The following ADARB2 variants were observed in gnomAD, a reference collection of about 807,000 sequenced individuals.
ADARB2 encodes inactive double-stranded RNA-specific editase B2.
A neutral mutation model predicts 62.2 loss-of-function variants in ADARB2; 25 were observed. That is an observed-to-expected ratio of 0.40 (90% confidence interval 0.29 to 0.56). ADARB2 has a LOEUF of 0.56. Among genes scored for constraint, ADARB2 ranks in the 20% least tolerant of loss-of-function variants. The pLI is 0.43. For synonymous variants in ADARB2, 572 were observed against 500.8 expected (o/e 1.14, Z -1.90); for missense variants, 1,071 against 1,077.4 (o/e 0.99, Z 0.08).
rs370285303 is a variant in ADARB2 at position 1,188,402 on chromosome 10, G to A, written c.1865-3363C>T. Among the ~76,000 whole-genome samples the A allele has an allele frequency of 2.0e-5, 3 of 152,276 alleles. No homozygotes were observed. The South Asian group carries it at 6.2e-4, about 32-fold the overall frequency. On this transcript the variant is annotated intron_variant, in intron 8 of 9. Transcript: ENST00000381312. ...ATTGTGTCCAGGGAACGGAGGAACC[G>A]ACCAACAAGCAAAGGTCAGTTCCTT...
intron 8 of ADARB2, among the ~76,000 whole-genome samples, chr10:1,195,412 T>C (rs2131739461): frequency 6.6e-6 from 1 of 151,514 alleles, no homozygotes; most frequent in Non-Finnish European, 1.5e-5. Context: ...TTTTTTTTTT[T>C]TTAAGATAAG....
chr10:1,548,587 G>A lies in ADARB2; in HGVS notation c.101-169427C>T, dbSNP rs114387437. Among the ~76,000 whole-genome samples, 661 of 152,348 alleles carry A rather than the reference G, an allele frequency of 4.3e-3. 6 individuals are homozygous for A. Among genetic ancestry groups the A allele is most frequent in the African/African-American group, 0.014 (568 of 41,580 alleles). ...GAGGCAGTGGAGCAGGGTGAATAAA[G>A]TCTCACTAGAGGGTCAGATTTGGCA... is the stretch of plus-strand genomic sequence containing the variant. On this transcript the variant is annotated intron_variant, in intron 1 of 9. Transcript: ENST00000381312.
At chr10:1,603,356 G>A (rs1013562521) in intron 1 of ADARB2, among the ~76,000 whole-genome samples, 3 of 152,186 alleles carry the variant, frequency 2.0e-5, no homozygotes, top group African/African-American at 7.2e-5. Context: ...CTTGGAGCCC[G>A]ACCCTGGTAG....
chr10:1,353,960 C>T (rs2892333), intron 3 of ADARB2, among the ~76,000 whole-genome samples: 60,176 of 151,998 alleles, frequency 0.4, 13,168 homozygotes, highest in Middle Eastern at 0.51. Flanking sequence ...AGAGGTTGCT[C>T]GTAGACACTC....
chr10:1,611,531 C>T (rs1476050145), intron 1 of ADARB2, among the ~76,000 whole-genome samples: 1 of 152,096 alleles, frequency 6.6e-6, no homozygotes, highest in African/African-American at 2.4e-5. Context: ...TGGGGGGTCT[C>T]GTGGGATGAG....
chr10:1,326,170 C>CA (rs1831842908), intron 3 of ADARB2, among the ~76,000 whole-genome samples: 1 of 152,198 alleles, frequency 6.6e-6, no homozygotes, highest in Non-Finnish European at 1.5e-5. Context: ...CAGAGTGAAA[C>CA]ACACAGAGAA....
intron 1 of ADARB2, among the ~76,000 whole-genome samples, chr10:1,717,876 A>T (rs1835041927): frequency 1.3e-5 from 2 of 152,128 alleles, no homozygotes; most frequent in African/African-American, 4.8e-5. Context: ...CCACACCCAG[A>T]CACCAGTCTT....
intron 1 of ADARB2, among the ~76,000 whole-genome samples, chr10:1,593,140 T>C (rs377247344): frequency 0.053 from 1,389 of 26,262 alleles, no homozygotes; most frequent in Middle Eastern, 0.077. Flanking sequence ...CCCAGCTCCC[T>C]TCACCCAAGC....
intron 1 of ADARB2, among the ~76,000 whole-genome samples, chr10:1,442,808 G>A (rs1314783892): frequency 1.3e-5 from 2 of 152,030 alleles, no homozygotes; most frequent in African/African-American, 4.8e-5. Flanking sequence ...AGAGAATTCT[G>A]ACCCAGTATA....
At chr10:1,508,873 G>C (rs566835721) in intron 1 of ADARB2, among the ~76,000 whole-genome samples, 1 of 152,208 alleles carries the variant, frequency 6.6e-6, no homozygotes, top group African/African-American at 2.4e-5. Context: ...AGGCTGCAGA[G>C]CTCCTGAAAG....
intron 4 of ADARB2, among the ~76,000 whole-genome samples, chr10:1,249,633 C>CACAA (rs1831018278): frequency 6.6e-6 from 1 of 151,788 alleles, no homozygotes; most frequent in African/African-American, 2.4e-5. Context: ...CACACACACA[C>CACAA]ACACACATAC....
At chr10:1,688,172 G>C (rs1010284457) in intron 1 of ADARB2, among the ~76,000 whole-genome samples, 2 of 152,220 alleles carry the variant, frequency 1.3e-5, no homozygotes. Context: ...CAGCCAGTGG[G>C]GACCTGGGGG....
intron 1 of ADARB2, among the ~76,000 whole-genome samples, chr10:1,649,084 T>A (rs1379190972): frequency 1.3e-5 from 2 of 152,210 alleles, no homozygotes; most frequent in African/African-American, 4.8e-5. Context: ...AGAGGCTGTG[T>A]GGGGTACCCG....
chr10:1,613,981 T>C (rs1028203219), intron 1 of ADARB2, among the ~76,000 whole-genome samples: 2 of 152,260 alleles, frequency 1.3e-5, no homozygotes, highest in Non-Finnish European at 2.9e-5. Flanking sequence ...ATAATAACTT[T>C]GTTTGACTTG....
chr10:1,320,464 C>A (rs74118227), intron 3 of ADARB2, among the ~76,000 whole-genome samples: 225 of 152,292 alleles, frequency 1.5e-3, no homozygotes, highest in African/African-American at 5.2e-3. Flanking sequence ...TGAGCTCAGG[C>A]AAGACCTCAA....
At chr10:1,252,562 A>G (rs1346508230) in intron 4 of ADARB2, among the ~76,000 whole-genome samples, 1 of 152,172 alleles carries the variant, frequency 6.6e-6, no homozygotes, top group African/African-American at 2.4e-5. Flanking sequence ...TATTCTCTGA[A>G]TACTCGCAGT....
intron 1 of ADARB2, among the ~76,000 whole-genome samples, chr10:1,687,406 C>T (rs950779753): frequency 1.3e-5 from 2 of 151,990 alleles, no homozygotes; most frequent in African/African-American, 2.4e-5. Context: ...AATTGTGAGT[C>T]ATCTCGTAAA....
chr10:1,231,538 C>T (rs1268140739), intron 6 of ADARB2, among the ~76,000 whole-genome samples: 1 of 152,116 alleles, frequency 6.6e-6, no homozygotes. Context: ...GGGCTCCCTT[C>T]CCTCTGGGGA....
intron 6 of ADARB2, among the ~76,000 whole-genome samples, chr10:1,228,443 G>C (rs544202171): frequency 6.6e-6 from 1 of 152,302 alleles, no homozygotes; most frequent in South Asian, 2.1e-4. Flanking sequence ...TCTATCCCAG[G>C]CCTCCCAGGG....
Sources: gnomAD v4.1 joint callset for allele counts (sites outside exome capture counted in the v4.1 genomes callset) on GRCh38, gnomAD v4.1.1 for gene constraint, MANE v1.5 for transcripts, NCBI Gene and HGNC (gene_info 2026-07-23, HGNC 2026-07-21) for gene names.